DNAJB12: variants seen among roughly 807,000 people sequenced by gnomAD.
DNAJB12 encodes dnaJ homolog subfamily B member 12.
DNAJB12 carries 14 observed loss-of-function variants against 40.6 expected under a neutral mutation model. The ratio of observed to expected loss-of-function variants is 0.34; its 90% CI spans 0.23 to 0.54. DNAJB12 has a LOEUF of 0.54. DNAJB12 is among the 20% of genes least tolerant of loss of function. DNAJB12 has a pLI of 0.92. For synonymous variants in DNAJB12, 181 were observed against 199.5 expected (o/e 0.91, Z 0.78); for missense variants, 444 against 501.7 (o/e 0.89, Z 1.10).
rs1861964522 is a variant in DNAJB12, at chr10:72,352,733, G to C, written c.133+2032C>G. 2.0e-5 allele frequency among the ~76,000 whole-genome samples: 3 copies of C among 152,104 alleles called. No individual in the cohort carries two copies. In the South Asian group the frequency reaches 6.2e-4, roughly 32 times the overall value. ...ACTAGATTATAAGCTCTTTTGAGGT[G>C]AGGGATCACATTTTACCAATCTTGC... On this transcript the variant is annotated intron_variant, in intron 1 of 8. Coordinates refer to ENST00000444643, the MANE Select transcript of DNAJB12 (RefSeq NM_017626.7).
chr10:72,336,852 A>AGCTC, intron 6 of DNAJB12, 156 bp from the exon 7 acceptor site: 1 of 586,662 alleles, frequency 1.7e-6, no homozygotes, highest in Non-Finnish European at 2.9e-6. Flanking sequence ...CTGAAAGGAG[A>AGCTC]GTCTGAGGAA....
intron 2 of DNAJB12, 47 bp from the exon 3 acceptor site, chr10:72,343,558 T>A (rs760420454): frequency 6.2e-7 from 1 of 1,604,056 alleles, no homozygotes; most frequent in South Asian, 1.1e-5. Flanking sequence ...CATGGGTCTG[T>A]GTGAGGGGGG....
chr10:72,347,112 A>C (rs1174582217), intron 1 of DNAJB12, among the ~76,000 whole-genome samples: 3 of 151,970 alleles, frequency 2.0e-5, no homozygotes, highest in African/African-American at 7.3e-5. Flanking sequence ...TTACAGGTGC[A>C]CACCACCACG....
At position 72,334,286 on chromosome 10, in the gene DNAJB12, A is replaced by C. The variant is rs1861403046; in HGVS notation, c.*362T>G. The C allele has an allele frequency of 4.6e-6, 2 of 435,508 alleles. No homozygotes were observed. The highest frequency in any genetic ancestry group is 8.2e-6 in the Non-Finnish European group (2 of 244,530). 27.0% of individuals were successfully genotyped at this position (435,508 alleles called of 1,614,324 possible). On this transcript the variant is annotated 3_prime_UTR_variant, in exon 9 of 9. Transcript: ENST00000444643. ...CTGGTGGTGGCTCCTGTGAGGGAGGAAAGGCAGCTGGGTGCCCCCTCCCCC... is the reference window on the plus strand; with the variant it reads ...CTGGTGGTGGCTCCTGTGAGGGAGGCAAGGCAGCTGGGTGCCCCCTCCCCC...
rs1861395720 is a variant in DNAJB12, at chr10:72,334,100, G to A, written c.*548C>T. ...AACAACTTAACCAAATCCCTGCAGA[G>A]TTTAAAAAGTAGACTATATATATAT... On this transcript the variant is annotated 3_prime_UTR_variant, in exon 9 of 9. Coordinates refer to ENST00000444643, the MANE Select transcript of DNAJB12 (RefSeq NM_017626.7). The A allele has an allele frequency of 7.1e-6, 1 of 140,328 alleles. No homozygotes were observed. The highest frequency in any genetic ancestry group is 7.4e-5 in the Admixed American group (1 of 13,538). The allele number at this position is 140,328 out of a possible 1,614,324, so 8.7% of individuals were successfully genotyped here. A position where few individuals can be genotyped will look rare whatever the true frequency, so the allele number is the denominator to read the frequency against.
chr10:72,351,338 G>A lies in DNAJB12; in HGVS notation c.133+3427C>T, dbSNP rs374294434. On this transcript the variant is annotated intron_variant, in intron 1 of 8. Coordinates refer to ENST00000444643, the MANE Select transcript of DNAJB12 (RefSeq NM_017626.7). ...CCTCCTTGTCCCACCTCCTGCAGCA[G>A]GAGTTTCAAGCCCCCTCACATCCCT... Among the ~76,000 whole-genome samples the A allele has an allele frequency of 1.3e-5, 2 of 152,298 alleles. 1 individual carries two copies. Among genetic ancestry groups the A allele is most frequent in the South Asian group, 4.1e-4 (2 of 4,830 alleles).
Position 72,335,015 on chromosome 10 carries a change from C to T in DNAJB12, c.*31-398G>A, listed in dbSNP as rs1414642581. On this transcript the variant is annotated intron_variant, in intron 8 of 8. Transcript: ENST00000444643. The surrounding 1 kb of genome is among the most constrained non-coding windows in gnomAD (Gnocchi z 4.4). ...GCCTGCTACCAGCAACTCTCATTTC[C>T]CCTCCACCCCTCCTGTGCTGAGCGG... 1 of 1,055,298 alleles carries T rather than the reference C, an allele frequency of 9.5e-7. No individual in the cohort carries two copies. Among genetic ancestry groups the T allele is most frequent in the Non-Finnish European group, 1.1e-6 (1 of 874,770 alleles). The allele number at this position is 1,055,298 out of a possible 1,614,324, so 65.4% of individuals were successfully genotyped here.
chr10:72,351,629 G>A (rs1035064366), intron 1 of DNAJB12, among the ~76,000 whole-genome samples: 17 of 152,234 alleles, frequency 1.1e-4, no homozygotes, highest in Admixed American at 4.6e-4. Context: ...GCCTTTTCCT[G>A]TTGCTCCATC....
At chr10:72,352,680 A>G (rs1232278945) in intron 1 of DNAJB12, among the ~76,000 whole-genome samples, 32 of 152,020 alleles carry the variant, frequency 2.1e-4, no homozygotes, top group Admixed American at 2.1e-3. Context: ...GTCTTGTAAT[A>G]TTTGTTTCTG....
chr10:72,339,899 C>T (rs11497791), intron 5 of DNAJB12, among the ~76,000 whole-genome samples: 29 of 152,008 alleles, frequency 1.9e-4, no homozygotes, highest in East Asian at 7.9e-4. Flanking sequence ...TTAGTAGAGA[C>T]GGGGTTTCAC....
intron 1 of DNAJB12, among the ~76,000 whole-genome samples, chr10:72,346,018 T>C (rs1861777776): frequency 6.6e-6 from 1 of 152,136 alleles, no homozygotes; most frequent in Non-Finnish European, 1.5e-5. Context: ...TCTGTAGTAA[T>C]TGCTTTATTT....
chr10:72,338,790 C>A (rs910284751), intron 5 of DNAJB12, among the ~76,000 whole-genome samples: 10 of 151,954 alleles, frequency 6.6e-5, no homozygotes, highest in African/African-American at 1.9e-4. Flanking sequence ...CCAACATACA[C>A]CCCCATCTCT....
At chr10:72,343,294 C>A (rs893572192) in intron 3 of DNAJB12, 72 bp downstream of exon 3, 3 of 1,543,930 alleles carry the variant, frequency 1.9e-6, no homozygotes, top group Admixed American at 1.9e-5. Flanking sequence ...GGAAAGCTGT[C>A]TTGGTCCCTT....
At chr10:72,353,124 A>G (rs1861974782) in intron 1 of DNAJB12, among the ~76,000 whole-genome samples, 1 of 152,250 alleles carries the variant, frequency 6.6e-6, no homozygotes, top group Non-Finnish European at 1.5e-5. Flanking sequence ...CAAATTCCAG[A>G]GCCTGAGCCC....
At chr10:72,354,028 A>C (rs1861998950) in intron 1 of DNAJB12, 1 of 152,232 alleles carries the variant, frequency 6.6e-6, no homozygotes, top group African/African-American at 2.4e-5. Context: ...CTGGCTCAGG[A>C]GGCTCCTGTC....
At chr10:72,350,479 T>C (rs1447327650) in intron 1 of DNAJB12, among the ~76,000 whole-genome samples, 1 of 151,542 alleles carries the variant, frequency 6.6e-6, no homozygotes, top group Non-Finnish European at 1.5e-5. Context: ...AAGGGTCATC[T>C]TGGACAAGGT....
chr10:72,344,963 C>A lies in DNAJB12; in HGVS notation c.298G>T (p.Ala100Ser). Residue 100 changes from alanine (A) to serine (S), a missense_variant, in exon 2 of 9, where the codon GCA (alanine) becomes TCA (serine). Ala to Ser is a moderately conservative substitution (Grantham distance 99). Coordinates refer to ENST00000444643, the MANE Select transcript of DNAJB12 (RefSeq NM_017626.7). ...CCACCCATCTACCTTTTCACAGCTGCAACCTGTTCTGCAGTGTAGCCTTTG... is the reference window on the plus strand; with the variant it reads ...CCACCCATCTACCTTTTCACAGCTGAAACCTGTTCTGCAGTGTAGCCTTTG... Reference protein sequence around the residue: ...STKGYTAEQVAAVKRVKQCKD... With the variant: ...STKGYTAEQVSAVKRVKQCKD... The A allele has an allele frequency of 6.2e-7, 1 of 1,614,244 alleles. No individual in the cohort carries two copies. Among genetic ancestry groups the A allele is most frequent in the Non-Finnish European group, 8.5e-7 (1 of 1,180,042 alleles).
intron 4 of DNAJB12, 43 bp downstream of exon 4, chr10:72,340,939 CCAT>C: frequency 6.2e-7 from 1 of 1,608,932 alleles, no homozygotes; most frequent in South Asian, 1.1e-5. Context: ...GCCATTCCCA[CCAT>C]CACCCCAGGG....
At position 72,347,750 on chromosome 10, in the gene DNAJB12, C is replaced by A. The variant is rs144765916; in HGVS notation, c.134-2623G>T. Among the ~76,000 whole-genome samples the A allele has an allele frequency of 1.6e-3, 243 of 151,966 alleles. 1 individual carries two copies. Among genetic ancestry groups the A allele is most frequent in the Admixed American group, 4.3e-3 (66 of 15,256 alleles). Reference sequence around the variant, plus strand: ...CCAACATGGTGAAACCCCGTCTCTACTAAAATACAAAAATTAGCCGAACAT... The same window carrying A: ...CCAACATGGTGAAACCCCGTCTCTAATAAAATACAAAAATTAGCCGAACAT... On this transcript the variant is annotated intron_variant, in intron 1 of 8. Transcript: ENST00000444643.
Sources: gnomAD v4.1 joint callset for allele counts (sites outside exome capture counted in the v4.1 genomes callset) on GRCh38, gnomAD v4.1.1 for gene constraint, Gnocchi (gnomAD v3.1) non-coding constraint, MANE v1.5 for transcripts, NCBI Gene and HGNC (gene_info 2026-07-23, HGNC 2026-07-21) for gene names.